Variants in XPO4 observed in about 807,000 individuals in gnomAD.
XPO4 encodes exportin 4, also known as exportin-4.
Under a neutral mutation model 143.0 loss-of-function variants are expected in XPO4, and 39 were observed. That is an observed-to-expected ratio of 0.27 (90% CI 0.21 to 0.36). The LOEUF (loss-of-function observed/expected upper bound fraction) is 0.36, where lower values mean the gene tolerates loss of function less well. Among genes scored for constraint, XPO4 ranks in the 10% least tolerant of loss-of-function variants. The pLI is 1.00. For synonymous variants in XPO4, 439 were observed against 474.0 expected (o/e 0.93, Z 0.96); for missense variants, 907 against 1,348.0 (o/e 0.67, Z 5.12).
At chr13:20,889,266 A>T (rs1014795461) in intron 1 of XPO4, among the ~76,000 whole-genome samples, 3 of 152,240 alleles carry the variant, frequency 2.0e-5, no homozygotes, top group Non-Finnish European at 2.9e-5. Flanking sequence ...GCAAAACACA[A>T]ATACAGAATA....
At chr13:20,854,640 T>C (rs992163093) in intron 4 of XPO4, among the ~76,000 whole-genome samples, 2 of 152,130 alleles carry the variant, frequency 1.3e-5, no homozygotes, top group Admixed American at 1.3e-4. Flanking sequence ...TCTATATGAG[T>C]TAAATATCAT....
At chr13:20,861,715 A>G (rs1436225819) in intron 3 of XPO4, among the ~76,000 whole-genome samples, 1 of 145,560 alleles carries the variant, frequency 6.9e-6, no homozygotes, top group Admixed American at 6.9e-5. Flanking sequence ...AACTCATCCT[A>G]TTTTCAATGG....
At chr13:20,805,043 C>G (rs2059486449) in intron 13 of XPO4, among the ~76,000 whole-genome samples, 1 of 151,872 alleles carries the variant, frequency 6.6e-6, no homozygotes, top group Non-Finnish European at 1.5e-5. Context: ...CTCCGAGGTT[C>G]AAGCGATTAT....
rs1462357176 is a variant in XPO4, at chr13:20,780,138, A to C, written c.*3584T>G. 2 of 152,212 alleles carry C rather than the reference A, an allele frequency of 1.3e-5. No individual in the cohort carries two copies. Among genetic ancestry groups the C allele is most frequent in the African/African-American group, 4.8e-5 (2 of 41,448 alleles). The allele number at this position is 152,212 out of a possible 1,614,324, so 9.4% of individuals were successfully genotyped here. A position where few individuals can be genotyped will look rare whatever the true frequency, so the allele number is the denominator to read the frequency against. On this transcript the variant is annotated 3_prime_UTR_variant, in exon 23 of 23. Coordinates refer to ENST00000255305, the MANE Select transcript of XPO4 (RefSeq NM_022459.5). Reference sequence around the variant, plus strand: ...TTCTCTGGTTTTAGAAAACACAAACAAACCTTAAGAAGTACCGAGGTTCCT... The same window carrying C: ...TTCTCTGGTTTTAGAAAACACAAACCAACCTTAAGAAGTACCGAGGTTCCT...
In XPO4 at chr13:20,800,854, C is replaced by T; in HGVS notation, c.1954G>A (p.Val652Met). The T allele has an allele frequency of 6.2e-7, 1 of 1,613,780 alleles. No homozygotes were observed. Among genetic ancestry groups the T allele is most frequent in the Non-Finnish European group, 8.5e-7 (1 of 1,179,906 alleles). ...LKRWAKTYLL[V>M]DEKLYDQISL... ...ACCTGATCATACAGTTTTTCATCCA[C>T]CAGGAGATAAGTCTTTGCCCAGCGT... Residue 652 changes from valine to methionine, a missense_variant, in exon 14 of 23, where the codon GTG becomes ATG. Val to Met is a conservative substitution (Grantham distance 21). Transcript: ENST00000255305.
At chr13:20,890,516 T>C (rs2060501896) in intron 1 of XPO4, among the ~76,000 whole-genome samples, 1 of 151,164 alleles carries the variant, frequency 6.6e-6, no homozygotes, top group Non-Finnish European at 1.5e-5. Flanking sequence ...GCAAAGAGCA[T>C]GGCCAGGCAA....
chr13:20,829,281 T>A (rs2059823866), intron 6 of XPO4, among the ~76,000 whole-genome samples: 1 of 152,178 alleles, frequency 6.6e-6, no homozygotes, highest in Admixed American at 6.5e-5. Flanking sequence ...TCATAAAAAT[T>A]TAAATGTATT....
intron 3 of XPO4, chr13:20,857,012 T>G (rs976885794): frequency 4.8e-6 from 2 of 417,634 alleles, no homozygotes; most frequent in African/African-American, 4.3e-5. Context: ...TTATTAGATA[T>G]TTATACAGAT....
intron 16 of XPO4, among the ~76,000 whole-genome samples, chr13:20,797,386 G>A (rs925067233): frequency 2.6e-5 from 4 of 152,010 alleles, no homozygotes; most frequent in African/African-American, 9.7e-5. Context: ...GCCACATTTG[G>A]CCCATGGGCT....
chr13:20,793,025 G>C (rs1255312587), intron 18 of XPO4, among the ~76,000 whole-genome samples: 1 of 151,934 alleles, frequency 6.6e-6, no homozygotes, highest in East Asian at 1.9e-4. Flanking sequence ...CTTGACCTTA[G>C]GTGATCCACC....
chr13:20,836,691 C>T (rs1397545090), intron 6 of XPO4, among the ~76,000 whole-genome samples: 14 of 152,218 alleles, frequency 9.2e-5, no homozygotes, highest in Admixed American at 5.9e-4. Flanking sequence ...TCACACACTA[C>T]GCAATTTACC....
At chr13:20,896,930 A>G (rs985504915) in intron 1 of XPO4, among the ~76,000 whole-genome samples, 3 of 152,194 alleles carry the variant, frequency 2.0e-5, no homozygotes, top group Non-Finnish European at 1.5e-5. Flanking sequence ...TTAGGCATCT[A>G]TGGATGATTT....
chr13:20,851,784 T>C (rs1441940464), intron 4 of XPO4: 12 of 981,498 alleles, frequency 1.2e-5, no homozygotes, highest in Non-Finnish European at 1.4e-5. Flanking sequence ...AACTTTGGAG[T>C]CTTTCATGAG....
Position 20,809,836 on chromosome 13 carries a change from G to C in XPO4, c.1305C>G (p.Ser435=). The C allele has an allele frequency of 6.2e-7, 1 of 1,613,486 alleles. No individual in the cohort carries two copies. The highest frequency in any genetic ancestry group is 1.7e-5 in the Admixed American group (1 of 59,950). The change falls in exon 10 of 23, where the codon TCC becomes TCG. Residue 435 remains serine, a synonymous_variant. Coordinates refer to ENST00000255305, the MANE Select transcript of XPO4 (RefSeq NM_022459.5). ...GAGCAGCTAGGTGGCACTGAATATA[G>C]GAATTGAAAACTTGAACTGCATGTT... ...FTQHAVQVFN[S]YIQCHLAAPD...
intron 18 of XPO4, among the ~76,000 whole-genome samples, chr13:20,792,045 T>C (rs1219372725): frequency 6.6e-6 from 1 of 152,198 alleles, no homozygotes; most frequent in Admixed American, 6.5e-5. Context: ...TCCAGGTATC[T>C]GCCAAGAAGA....
At chr13:20,785,680 A>G (rs2141472104) in intron 22 of XPO4, among the ~76,000 whole-genome samples, 2 of 152,058 alleles carry the variant, frequency 1.3e-5, no homozygotes, top group South Asian at 4.1e-4. Context: ...AAAAAAAAAA[A>G]AAGCGAGATA....
intron 4 of XPO4, chr13:20,848,845 G>A (rs891809971): frequency 1.7e-5 from 17 of 985,074 alleles, no homozygotes; most frequent in Non-Finnish European, 1.9e-5. Context: ...ACAAGTAGAA[G>A]ACAATGCAAT....
Position 20,777,936 on chromosome 13 carries a change from A to G in XPO4, c.*5786T>C, listed in dbSNP as rs1357373826. Reference sequence around the variant, plus strand: ...TTTCATTAGTTTCACCAAATATACCATTTCCACTTAGTTTTAAAAGAAAGT... The same window carrying G: ...TTTCATTAGTTTCACCAAATATACCGTTTCCACTTAGTTTTAAAAGAAAGT... On this transcript the variant is annotated 3_prime_UTR_variant, in exon 23 of 23. Coordinates refer to ENST00000255305, the MANE Select transcript of XPO4 (RefSeq NM_022459.5). 1 of 152,170 alleles carries G rather than the reference A, an allele frequency of 6.6e-6. No homozygotes were observed. Among genetic ancestry groups the G allele is most frequent in the Non-Finnish European group, 1.5e-5 (1 of 68,028 alleles). 9.4% of individuals were successfully genotyped at this position (152,170 alleles called of 1,614,324 possible). A position where few individuals can be genotyped will look rare whatever the true frequency, so the allele number is the denominator to read the frequency against.
At chr13:20,805,996 A>G (rs919908506) in intron 13 of XPO4, among the ~76,000 whole-genome samples, 1 of 152,060 alleles carries the variant, frequency 6.6e-6, no homozygotes, top group Non-Finnish European at 1.5e-5. Context: ...CCACACTAAC[A>G]TCTGACAAAA....
Sources: allele counts gnomAD v4.1 joint callset (sites outside exome capture counted in the v4.1 genomes callset), GRCh38; gene constraint gnomAD v4.1.1; transcripts MANE v1.5; gene names NCBI Gene and HGNC (gene_info 2026-07-23, HGNC 2026-07-21).